AUTS2: variants seen among roughly 807,000 people sequenced by gnomAD.
AUTS2 encodes autism susceptibility gene 2 protein.
AUTS2 carries 17 observed loss-of-function variants against 112.4 expected under a neutral mutation model. The ratio of observed to expected loss-of-function variants is 0.15; its 90% CI spans 0.10 to 0.23. The LOEUF (loss-of-function observed/expected upper bound fraction) is 0.23, where lower values mean the gene tolerates loss of function less well. Among genes scored for constraint, AUTS2 ranks in the 10% least tolerant of loss-of-function variants. The pLI is 1.00. For missense variants in AUTS2, 1,510 were observed against 1,701.6 expected (o/e 0.89, Z 1.98); for synonymous variants, 751 against 702.7 (o/e 1.07, Z -1.09).
At chr7:69,670,704 C>T (rs1481311591) in intron 1 of AUTS2, among the ~76,000 whole-genome samples, 1 of 151,812 alleles carries the variant, frequency 6.6e-6, no homozygotes, top group Non-Finnish European at 1.5e-5. Context: ...TAATCAGACC[C>T]TATCTCTACA....
intron 1 of AUTS2, among the ~76,000 whole-genome samples, chr7:69,618,931 A>T (rs533638830): frequency 1.3e-5 from 2 of 152,118 alleles, no homozygotes; most frequent in Non-Finnish European, 2.9e-5. Context: ...AAGTCCTTGT[A>T]CCTCTGGGAG....
intron 5 of AUTS2, among the ~76,000 whole-genome samples, chr7:70,496,003 A>ATATTTATACTCATATATATATT (rs1798467164): frequency 9.8e-6 from 1 of 102,246 alleles, no homozygotes; most frequent in Admixed American, 1.1e-4. Context: ...TACCACATAC[A>ATATTTATACTCATATATATATT]CAGTCACACA....
chr7:69,777,856 A>G lies in AUTS2; in HGVS notation c.310-121430A>G, dbSNP rs934449379. On this transcript the variant is annotated intron_variant, in intron 1 of 18. Coordinates refer to ENST00000342771, the MANE Select transcript of AUTS2 (RefSeq NM_015570.4). ...GGTGGGAGGGCGTTGGCCTTTAATC[A>G]GGTTTCTGGGGACAGATCACTCATG... 3.3e-5 allele frequency among the ~76,000 whole-genome samples: 5 copies of G among 152,254 alleles called. No homozygotes were observed. The South Asian group carries it at 8.3e-4, about 25-fold the overall frequency.
chr7:69,992,587 G>C (rs1798782614), intron 2 of AUTS2, among the ~76,000 whole-genome samples: 1 of 152,178 alleles, frequency 6.6e-6, no homozygotes, highest in African/African-American at 2.4e-5. Flanking sequence ...GCCAGGTGTA[G>C]TGGCTCATGT....
intron 1 of AUTS2, among the ~76,000 whole-genome samples, chr7:69,709,955 T>A (rs1254828453): frequency 8.5e-5 from 13 of 152,170 alleles, no homozygotes; most frequent in Non-Finnish European, 1.8e-4. Context: ...TGCCAGAACC[T>A]TACCAAGTCA....
rs571303721 is a variant in AUTS2 at position 70,696,857 on chromosome 7, C to G, written c.691-1712C>G. ...AAGGTTATGTCAGTTTGGTAAAACACTTTAATAAACAGGCTTTTTTTTCCC... is the reference window on the plus strand; with the variant it reads ...AAGGTTATGTCAGTTTGGTAAAACAGTTTAATAAACAGGCTTTTTTTTCCC... On this transcript the variant is annotated intron_variant, in intron 5 of 18. Transcript: ENST00000342771. 2.4e-4 allele frequency among the ~76,000 whole-genome samples: 37 copies of G among 151,832 alleles called. No individual in the cohort carries two copies. In the South Asian group the frequency reaches 7.7e-3, roughly 32 times the overall value.
At chr7:70,193,427 T>C (rs1291434127) in intron 4 of AUTS2, among the ~76,000 whole-genome samples, 1 of 152,244 alleles carries the variant, frequency 6.6e-6, no homozygotes, top group Admixed American at 6.5e-5. Flanking sequence ...GCCAAGCACA[T>C]GCTATTTTGC....
intron 1 of AUTS2, among the ~76,000 whole-genome samples, chr7:69,657,246 C>A (rs559575224): frequency 6.6e-6 from 1 of 152,142 alleles, no homozygotes; most frequent in Non-Finnish European, 1.5e-5. Flanking sequence ...GCAGATAAAA[C>A]CTAGTGCTGA....
rs145523941 is a variant in AUTS2 at position 70,055,979 on chromosome 7, C to T, written c.523-62153C>T. 2.3e-4 allele frequency among the ~76,000 whole-genome samples: 35 copies of T among 151,808 alleles called. No homozygotes were observed. The East Asian group carries it at 5.2e-3, about 23-fold the overall frequency. On this transcript the variant is annotated intron_variant, in intron 2 of 18. Coordinates refer to ENST00000342771, the MANE Select transcript of AUTS2 (RefSeq NM_015570.4). Reference sequence around the variant, plus strand: ...GATTATAGGCGTGAGCCACCATGCCCGGCCTTTTTTATTGTTATTTTTTTC... The same window carrying T: ...GATTATAGGCGTGAGCCACCATGCCTGGCCTTTTTTATTGTTATTTTTTTC...
At chr7:70,612,755 G>A (rs1349614483) in intron 5 of AUTS2, among the ~76,000 whole-genome samples, 1 of 152,038 alleles carries the variant, frequency 6.6e-6, no homozygotes, top group African/African-American at 2.4e-5. Flanking sequence ...AAGCAGTTCT[G>A]TCCTAAGTGG....
chr7:70,764,816 T>G lies in AUTS2; in HGVS notation c.1279T>G (p.Ser427Ala). 3 of 317,700 alleles carry G rather than the reference T, an allele frequency of 9.4e-6. No individual in the cohort carries two copies. Among genetic ancestry groups the G allele is most frequent in the Non-Finnish European group, 1.7e-5 (3 of 179,106 alleles). The allele number at this position is 317,700 out of a possible 1,614,324, so 19.7% of individuals were successfully genotyped here. The change falls in exon 8 of 19, where the codon TCT (serine) becomes GCT (alanine). Residue 427 changes from serine to alanine, a missense_variant. By Grantham distance (99) the Ser-to-Ala change is moderately conservative. Around this residue, in one of 3 missense-constraint regions of AUTS2, gnomAD observed 535 missense variants for 594.3 expected, o/e 0.90. Transcript: ENST00000342771. ...PAPPHISHHP[S>A]ASPFPLSLPN... ...CCCACCTCACATCTCCCACCACCCCTCTGCCTCCCCGTTCCCCCTCTCCCT... is the reference window on the plus strand; with the variant it reads ...CCCACCTCACATCTCCCACCACCCCGCTGCCTCCCCGTTCCCCCTCTCCCT...
At chr7:69,846,276 G>C (rs775634348) in intron 1 of AUTS2, among the ~76,000 whole-genome samples, 3 of 152,154 alleles carry the variant, frequency 2.0e-5, no homozygotes, top group Admixed American at 6.5e-5. Context: ...TGCAAGCCAA[G>C]ACCACATTAG....
chr7:70,448,840 C>T (rs1377027541), intron 5 of AUTS2, among the ~76,000 whole-genome samples: 1 of 152,114 alleles, frequency 6.6e-6, no homozygotes, highest in Non-Finnish European at 1.5e-5. Context: ...AGCAATTGTT[C>T]ATTATAAAGG....
chr7:70,464,315 G>A (rs950857782), intron 5 of AUTS2, among the ~76,000 whole-genome samples: 39 of 152,166 alleles, frequency 2.6e-4, no homozygotes, highest in African/African-American at 7.0e-4. Flanking sequence ...AGCAGAGGAG[G>A]CAGTTATGAA....
intron 5 of AUTS2, among the ~76,000 whole-genome samples, chr7:70,518,677 C>A (rs1172371891): frequency 3.4e-5 from 5 of 145,964 alleles, no homozygotes; most frequent in Admixed American, 3.4e-4. Context: ...AGTGAGACTC[C>A]GTCTCAAAAA....
chr7:69,762,317 T>C (rs1290062313), intron 1 of AUTS2, among the ~76,000 whole-genome samples: 2 of 120,114 alleles, frequency 1.7e-5, no homozygotes, highest in African/African-American at 3.3e-5. Context: ...TTTTTTTTTT[T>C]TTTTTTTGAG....
At chr7:69,996,997 A>G (rs1193832064) in intron 2 of AUTS2, among the ~76,000 whole-genome samples, 3 of 149,264 alleles carry the variant, frequency 2.0e-5, no homozygotes, top group Non-Finnish European at 4.4e-5. Context: ...GATGATTTAC[A>G]TCAGCATATT....
chr7:70,299,325 C>A (rs1011730235), intron 4 of AUTS2, among the ~76,000 whole-genome samples: 3 of 152,334 alleles, frequency 2.0e-5, no homozygotes, highest in Non-Finnish European at 4.4e-5. Context: ...TACTCTCACA[C>A]ATGATGACTC....
chr7:69,609,254 A>G (rs901157526), intron 1 of AUTS2, among the ~76,000 whole-genome samples: 5 of 152,220 alleles, frequency 3.3e-5, no homozygotes, highest in Admixed American at 6.5e-5. Flanking sequence ...TTTAAAAACA[A>G]AAAGTCTTAC....
Sources: gnomAD v4.1 joint callset for allele counts (sites outside exome capture counted in the v4.1 genomes callset) on GRCh38, gnomAD v4.1.1 for gene constraint, gnomAD v4.1.1 regional missense constraint, MANE v1.5 for transcripts, NCBI Gene and HGNC (gene_info 2026-07-23, HGNC 2026-07-21) for gene names.